WDPCP: variants seen among roughly 807,000 people sequenced by gnomAD.
The protein encoded by WDPCP is WD repeat containing planar cell polarity effector.
WDPCP carries 71 observed loss-of-function variants against 93.1 expected under a neutral mutation model. That is an observed-to-expected ratio of 0.76 (90% CI 0.63 to 0.93). The LOEUF (loss-of-function observed/expected upper bound fraction) is 0.93. WDPCP is among the 40% of genes least tolerant of loss of function. The pLI is 0.00. For missense variants in WDPCP, 844 were observed against 887.4 expected, an observed-to-expected ratio of 0.95 and a Z score of 0.62; for synonymous variants, 315 against 315.0, an observed-to-expected ratio of 1.00 and a Z score of 0.00.
intron 2 of WDPCP, among the ~76,000 whole-genome samples, chr2:63,746,815 G>C (rs1669805218): frequency 6.6e-6 from 1 of 152,160 alleles, no homozygotes; most frequent in East Asian, 1.9e-4. Context: ...GTTCATTAGT[G>C]ATTCTAGTTT....
chr2:63,653,199 A>T (rs1575739397), intron 2 of WDPCP, among the ~76,000 whole-genome samples: 1 of 152,224 alleles, frequency 6.6e-6, no homozygotes. Flanking sequence ...AAATCTATAT[A>T]GAGGTCCTTT....
chr2:63,741,498 T>C (rs895377738), intron 2 of WDPCP, among the ~76,000 whole-genome samples: 1 of 152,132 alleles, frequency 6.6e-6, no homozygotes, highest in South Asian at 2.1e-4. Flanking sequence ...GCTTAATGTT[T>C]ACTTTCTTTG....
chr2:63,437,960 G>A, intron 7 of WDPCP: 1 of 1,506,654 alleles, frequency 6.6e-7, no homozygotes, highest in East Asian at 2.4e-5. Context: ...GGATTTATTA[G>A]GGGATACTGA....
intron 1 of WDPCP, among the ~76,000 whole-genome samples, chr2:63,582,448 A>G (rs1188487708): frequency 1.3e-5 from 2 of 152,168 alleles, no homozygotes; most frequent in Non-Finnish European, 2.9e-5. Context: ...AAATACATAT[A>G]ACTGTCATCC....
intron 13 of WDPCP, among the ~76,000 whole-genome samples, chr2:63,281,164 G>C (rs1683510019): frequency 6.6e-6 from 1 of 151,928 alleles, no homozygotes; most frequent in Non-Finnish European, 1.5e-5. Context: ...AAAAAAAGTA[G>C]GCTAAGGACA....
At chr2:63,622,193 C>T in intron 3 of WDPCP, 1 of 1,596,100 alleles carries the variant, frequency 6.3e-7, no homozygotes. Flanking sequence ...ACTGTTGCTG[C>T]TGCTGCTGCT....
intron 9 of WDPCP, among the ~76,000 whole-genome samples, chr2:63,409,263 T>C (rs191731429): frequency 2.0e-4 from 30 of 152,182 alleles, no homozygotes; most frequent in Non-Finnish European, 3.5e-4. Context: ...CAGAGCCAGG[T>C]AGACTTCCTG....
At chr2:63,732,675 A>C (rs1276373791) in intron 2 of WDPCP, among the ~76,000 whole-genome samples, 1 of 152,206 alleles carries the variant, frequency 6.6e-6, no homozygotes, top group Non-Finnish European at 1.5e-5. Flanking sequence ...TTATTTATTT[A>C]AGAAATGATG....
intron 6 of WDPCP, among the ~76,000 whole-genome samples, chr2:63,460,118 G>A (rs531740143): frequency 1.1e-4 from 17 of 152,244 alleles, no homozygotes; most frequent in African/African-American, 3.9e-4. Context: ...TAAAGAAAAT[G>A]TGGTGTATAT....
intron 4 of WDPCP, among the ~76,000 whole-genome samples, chr2:63,486,024 G>T (rs1390641439): frequency 6.6e-6 from 1 of 151,546 alleles, no homozygotes; most frequent in Non-Finnish European, 1.5e-5. Flanking sequence ...GAACAAATGG[G>T]ATTTTCAGCT....
chr2:63,588,678 C>A (rs997923410), upstream of WDPCP: 8 of 476,924 alleles, frequency 1.7e-5, no homozygotes, highest in Non-Finnish European at 3.1e-5. Flanking sequence ...TCTCTCCCGC[C>A]AATTGCCGGG....
intron 9 of WDPCP, among the ~76,000 whole-genome samples, chr2:63,413,810 CA>C (rs1695203238): frequency 6.6e-6 from 1 of 150,682 alleles, no homozygotes; most frequent in African/African-American, 2.4e-5. Context: ...AACAAACAAA[CA>C]AAAACAAAGA....
intron 10 of WDPCP, among the ~76,000 whole-genome samples, chr2:63,401,836 G>A (rs977511043): frequency 1.3e-5 from 2 of 152,084 alleles, no homozygotes; most frequent in African/African-American, 4.8e-5. Flanking sequence ...ATAGATTCTG[G>A]TGAGGCTGTG....
intron 8 of WDPCP, among the ~76,000 whole-genome samples, chr2:63,434,280 A>C (rs1696983172): frequency 6.6e-6 from 1 of 152,198 alleles, no homozygotes; most frequent in Non-Finnish European, 1.5e-5. Flanking sequence ...GTATAAAATG[A>C]CAAGTTCAGT....
intron 1 of WDPCP, among the ~76,000 whole-genome samples, chr2:63,527,526 A>G (rs1434936641): frequency 6.6e-6 from 1 of 151,762 alleles, no homozygotes; most frequent in Non-Finnish European, 1.5e-5. Flanking sequence ...AGCTTCATCC[A>G]TGTTCCTACA....
chr2:63,481,467 A>C (rs1700262880), intron 6 of WDPCP, among the ~76,000 whole-genome samples: 1 of 152,132 alleles, frequency 6.6e-6, no homozygotes, highest in Admixed American at 6.6e-5. Flanking sequence ...CACAATTCGC[A>C]ATTGCAAAAA....
At chr2:63,435,509 A>G (rs1221364787) in intron 8 of WDPCP, among the ~76,000 whole-genome samples, 2 of 152,114 alleles carry the variant, frequency 1.3e-5, no homozygotes, top group African/African-American at 2.4e-5. Context: ...CATTATTTCA[A>G]TGTCTGATTT....
chr2:63,688,842 C>T (rs2103661540), intron 2 of WDPCP, among the ~76,000 whole-genome samples: 1 of 152,174 alleles, frequency 6.6e-6, no homozygotes, highest in East Asian at 1.9e-4. Flanking sequence ...GAAGTGGGGC[C>T]TTTAAAAGGT....
At chr2:63,188,115 G>C (rs959920372) in intron 14 of WDPCP, among the ~76,000 whole-genome samples, 1 of 152,110 alleles carries the variant, frequency 6.6e-6, no homozygotes, top group Admixed American at 6.6e-5. Flanking sequence ...CTGGTTTCAA[G>C]ATTCTTCCTT....
Sources: gnomAD v4.1 joint callset for allele counts (sites outside exome capture counted in the v4.1 genomes callset) on GRCh38, gnomAD v4.1.1 for gene constraint, MANE v1.5 for transcripts, NCBI Gene and HGNC (gene_info 2026-07-23, HGNC 2026-07-21) for gene names.